The following C2CD3 variants were observed in gnomAD, a reference collection of about 807,000 sequenced individuals.
The protein encoded by C2CD3 is C2 domain containing 3 centriole elongation regulator, also known as C2 domain-containing protein 3.
In C2CD3, 148 loss-of-function variants were observed where a neutral mutation model predicts 234.0. The observed-to-expected ratio is 0.63, with a 90% CI of 0.55 to 0.72. The LOEUF is 0.72. C2CD3 is among the 30% of genes least tolerant of loss of function. The probability of loss-of-function intolerance (pLI) is 0.00; values close to 1 mark genes in which losing one functional copy is unlikely to be tolerated. For synonymous variants in C2CD3, 1,000 were observed against 1,035.4 expected (o/e 0.97, Z 0.66); for missense variants, 2,577 against 2,811.5 (o/e 0.92, Z 1.89).
chr11:74,114,631 A>C (rs772706150), intron 9 of C2CD3, 38 bp from the exon 10 acceptor site: 1 of 1,238,502 alleles, frequency 8.1e-7, no homozygotes, highest in South Asian at 1.2e-5. Context: ...GCATACTGCT[A>C]CAGGCTTCAC....
At chr11:74,167,320 G>A (rs1217264061) in intron 2 of C2CD3, among the ~76,000 whole-genome samples, 1 of 152,070 alleles carries the variant, frequency 6.6e-6, no homozygotes, top group East Asian at 1.9e-4. Flanking sequence ...TAAGCTTACA[G>A]TACCAAGATT....
At chr11:74,021,055 G>A (rs7116582) in intron 32 of C2CD3, among the ~76,000 whole-genome samples, 2,676 of 152,308 alleles carry the variant, frequency 0.018, 33 homozygotes, top group Non-Finnish European at 0.027. Context: ...AGATAGAGCT[G>A]CCAGAATTTC....
chr11:74,034,386 C>A (rs892606713), intron 30 of C2CD3, 108 bp from the exon 31 acceptor site: 13 of 1,488,428 alleles, frequency 8.7e-6, no homozygotes, highest in Middle Eastern at 3.5e-4. Flanking sequence ...AGACTCTGAA[C>A]AAACCATAAA....
intron 24 of C2CD3, chr11:74,070,880 A>G (rs1954760171): frequency 6.6e-6 from 1 of 152,046 alleles, no homozygotes; most frequent in Non-Finnish European, 1.5e-5. Context: ...TTCTCATTAG[A>G]ATGCCTTTTT....
intron 24 of C2CD3, among the ~76,000 whole-genome samples, chr11:74,067,646 TAA>T: frequency 6.6e-6 from 1 of 152,336 alleles, no homozygotes; most frequent in Non-Finnish European, 1.5e-5. Flanking sequence ...TGTAAATGTA[TAA>T]AATATCACTA....
rs1555015281 is a variant in C2CD3, at chr11:74,048,350, A to C, written c.5362-12T>G. The stretch of plus-strand genomic sequence containing the variant: ...CTGTATATTGGGATCTGTAAACACA[A>C]CAAGAAAAATGGTACACTTGTCACC... On this transcript the variant is annotated splice_polypyrimidine_tract_variant and intron_variant, in intron 27 of 32. Coordinates refer to ENST00000334126, the MANE Select transcript of C2CD3 (RefSeq NM_001286577.2). The C allele has an allele frequency of 6.2e-7, 1 of 1,613,000 alleles. No homozygotes were observed. Among genetic ancestry groups the C allele is most frequent in the East Asian group, 2.2e-5 (1 of 44,826 alleles).
At chr11:74,150,918 T>A (rs890410884) in intron 3 of C2CD3, among the ~76,000 whole-genome samples, 1 of 152,038 alleles carries the variant, frequency 6.6e-6, no homozygotes, top group African/African-American at 2.4e-5. Flanking sequence ...TTTCTTTCTT[T>A]CTTTCTTTTT....
chr11:74,170,053 T>C (rs543857268), intron 1 of C2CD3, among the ~76,000 whole-genome samples: 2 of 152,290 alleles, frequency 1.3e-5, no homozygotes, highest in African/African-American at 4.8e-5. Context: ...CTGTTCTCAC[T>C]GCAGCTAACA....
At chr11:74,043,422 A>G (rs936678467) in intron 28 of C2CD3, among the ~76,000 whole-genome samples, 2 of 152,166 alleles carry the variant, frequency 1.3e-5, no homozygotes, top group African/African-American at 4.8e-5. Flanking sequence ...CTTTTTGGTT[A>G]TTAGGAATAA....
chr11:74,090,305 G>C (rs1015449125), intron 20 of C2CD3, among the ~76,000 whole-genome samples: 86 of 152,292 alleles, frequency 5.6e-4, no homozygotes, highest in African/African-American at 1.8e-3. Flanking sequence ...GAGGCGGGTG[G>C]ATCACTTGAG....
At chr11:74,117,022 G>C (rs1320719280) in intron 9 of C2CD3, among the ~76,000 whole-genome samples, 1 of 106,028 alleles carries the variant, frequency 9.4e-6, no homozygotes, top group East Asian at 2.7e-4. Flanking sequence ...ACATATATAC[G>C]TGTATATGTA....
At chr11:74,133,587 A>C (rs1450083810) in intron 5 of C2CD3, 30 bp from the exon 6 acceptor site, 7 of 1,611,602 alleles carry the variant, frequency 4.3e-6, no homozygotes, top group Non-Finnish European at 5.9e-6. Context: ...AAAACAGAAA[A>C]ATCCAAAATG....
rs191967665 is a variant in C2CD3, at chr11:74,082,797, C to T, written c.4000+2084G>A. On this transcript the variant is annotated intron_variant, in intron 22 of 32. Coordinates refer to ENST00000334126, the MANE Select transcript of C2CD3 (RefSeq NM_001286577.2). Reference sequence around the variant, plus strand: ...CTGCTTAACGAAATAAAAGAGGACACAAACAAATGGAAGAACATTCCATGC... The same window carrying T: ...CTGCTTAACGAAATAAAAGAGGACATAAACAAATGGAAGAACATTCCATGC... Among the ~76,000 whole-genome samples, 310 of 152,214 alleles carry T rather than the reference C, an allele frequency of 2.0e-3. 4 individuals carry two copies. Among genetic ancestry groups the T allele is most frequent in the African/African-American group, 6.9e-3 (287 of 41,508 alleles).
intron 3 of C2CD3, among the ~76,000 whole-genome samples, chr11:74,150,514 A>C (rs1399120850): frequency 5.9e-5 from 4 of 67,518 alleles, no homozygotes; most frequent in Non-Finnish European, 8.0e-5. Flanking sequence ...AAAAAAAAAA[A>C]ACAAAAAAAA....
chr11:74,149,762 CTTT>C (rs1855472220), intron 3 of C2CD3, among the ~76,000 whole-genome samples: 1 of 152,098 alleles, frequency 6.6e-6, no homozygotes, highest in Non-Finnish European at 1.5e-5. Flanking sequence ...ACCTTGTCTT[CTTT>C]TTAAGTTTAC....
chr11:74,032,548 TG>T (rs1291568945), intron 31 of C2CD3, among the ~76,000 whole-genome samples: 1 of 152,168 alleles, frequency 6.6e-6, no homozygotes, highest in Admixed American at 6.5e-5. Context: ...CCATGGTGCC[TG>T]TTTAGCTCCA....
intron 32 of C2CD3, among the ~76,000 whole-genome samples, chr11:74,015,898 CT>C (rs1951862078): frequency 1.4e-5 from 2 of 140,276 alleles, no homozygotes; most frequent in East Asian, 4.0e-4. Flanking sequence ...GAAACCCTGT[CT>C]CAAAAAAAAA....
rs908710700 is a variant in C2CD3 at position 74,106,376 on chromosome 11, G to A, written c.2080C>T (p.Leu694Phe). The change falls in exon 13 of 33, where the codon CTC becomes TTC. Residue 694 changes from leucine to phenylalanine, a missense_variant. Coordinates refer to ENST00000334126, the MANE Select transcript of C2CD3 (RefSeq NM_001286577.2). Reference sequence around the variant, plus strand: ...CTGAATGTATATCTACATACCTTGAGGGGGCCAAATGGAGACTGACCATTT... The same window carrying A: ...CTGAATGTATATCTACATACCTTGAAGGGGCCAAATGGAGACTGACCATTT... ...QENGQSPFGPLKVTMELITDN... is the reference protein window; with the variant it reads ...QENGQSPFGPFKVTMELITDN... 2.5e-6 allele frequency: 4 copies of A among 1,613,972 alleles called. No homozygotes were observed. The highest frequency in any genetic ancestry group is 1.3e-5 in the African/African-American group (1 of 75,030).
intron 3 of C2CD3, among the ~76,000 whole-genome samples, chr11:74,150,361 GCCTGTAAT>G (rs1396061901): frequency 3.3e-5 from 5 of 151,112 alleles, no homozygotes; most frequent in Non-Finnish European, 5.9e-5. Flanking sequence ...GGTGGTACAT[GCCTGTAAT>G]CCTAGCTACT....
Sources: allele counts gnomAD v4.1 joint callset (sites outside exome capture counted in the v4.1 genomes callset), GRCh38; gene constraint gnomAD v4.1.1; transcripts MANE v1.5; gene names NCBI Gene and HGNC (gene_info 2026-07-23, HGNC 2026-07-21).